The following ITPR1 variants were observed in gnomAD, a reference collection of about 807,000 sequenced individuals.
The protein encoded by ITPR1 is inositol 1,4,5-trisphosphate receptor type 1.
ITPR1 carries 96 observed loss-of-function variants against 318.4 expected under a neutral mutation model. The observed-to-expected ratio is 0.30, with a 90% CI of 0.26 to 0.36. The LOEUF is 0.36. Ranked by LOEUF, ITPR1 falls within the 10% of genes least tolerant of loss-of-function variation. The pLI is 1.00. For synonymous variants in ITPR1, 1,312 were observed against 1,289.9 expected, an observed-to-expected ratio of 1.02 and a Z score of -0.37; for missense variants, 2,440 against 3,460.2, an observed-to-expected ratio of 0.71 and a Z score of 7.40.
intron 12 of ITPR1, among the ~76,000 whole-genome samples, chr3:4,657,625 G>A (rs1470100804): frequency 6.6e-6 from 1 of 151,812 alleles, no homozygotes; most frequent in Non-Finnish European, 1.5e-5. Context: ...CTGCCACCAC[G>A]CCCAGCTAAT....
intron 53 of ITPR1, 30 bp downstream of exon 53, chr3:4,795,217 AT>A: frequency 6.2e-7 from 1 of 1,605,980 alleles, no homozygotes. Flanking sequence ...CAAAAATCCT[AT>A]TAGAAGCAGC....
chr3:4,502,740 CT>C (rs1311454033), intron 2 of ITPR1, among the ~76,000 whole-genome samples: 76 of 151,934 alleles, frequency 5.0e-4, no homozygotes, highest in Admixed American at 2.1e-3. Context: ...CGCCTGGCCC[CT>C]GTACCCCTCT....
intron 4 of ITPR1, among the ~76,000 whole-genome samples, chr3:4,593,736 G>C (rs983133034): frequency 2.6e-5 from 4 of 152,182 alleles, no homozygotes; most frequent in African/African-American, 9.7e-5. Context: ...ATGCTAAACA[G>C]ACTTGTATAA....
chr3:4,661,939 T>C (rs2093842721), intron 14 of ITPR1, 143 bp from the exon 15 acceptor site: 5 of 618,042 alleles, frequency 8.1e-6, no homozygotes, highest in East Asian at 2.9e-5. Context: ...TACGTCCTTG[T>C]AGATTTTTTT....
At chr3:4,794,388 G>C (rs1457011169) in intron 52 of ITPR1, among the ~76,000 whole-genome samples, 1 of 152,160 alleles carries the variant, frequency 6.6e-6, no homozygotes, top group African/African-American at 2.4e-5. Context: ...CACAGCCCTG[G>C]AGATGGGAAC....
chr3:4,741,390 C>T (rs954554497), intron 44 of ITPR1, among the ~76,000 whole-genome samples: 1 of 152,144 alleles, frequency 6.6e-6, no homozygotes, highest in Non-Finnish European at 1.5e-5. Context: ...ATTCCTATGC[C>T]AAAGTCTAGT....
At chr3:4,521,346 A>G (rs1450823341) in intron 4 of ITPR1, among the ~76,000 whole-genome samples, 1 of 152,178 alleles carries the variant, frequency 6.6e-6, no homozygotes, top group Non-Finnish European at 1.5e-5. Flanking sequence ...AATTCGGTTT[A>G]AAGTCTTACA....
At position 4,795,119 on chromosome 3, in the gene ITPR1, C is replaced by T. The variant is rs1379792070; in HGVS notation, c.6863C>T (p.Ser2288Leu). ...AACATGTCTTTCTGGAGCAGCATTTCGTTTAACCTGGCCGTCCTGATGAAC... is the reference window on the plus strand; with the variant it reads ...AACATGTCTTTCTGGAGCAGCATTTTGTTTAACCTGGCCGTCCTGATGAAC... The part of the protein sequence containing the change: ...ARNMSFWSSI[S>L]FNLAVLMNLL... The change falls in exon 53 of 62, where the codon TCG (serine) becomes TTG (leucine). Residue 2288 changes from serine (S) to leucine (L), a missense_variant. Transcript: ENST00000649015. 1.9e-6 allele frequency: 3 copies of T among 1,613,746 alleles called. No homozygotes were observed. The highest frequency in any genetic ancestry group is 1.1e-5 in the South Asian group (1 of 91,044).
chr3:4,639,570 G>A lies in ITPR1; in HGVS notation c.366+100G>A, dbSNP rs895807940. ...ACAGGGTTTGGACACCTTTACAGCA[G>A]GACTCCATGGAGGCAGCCAGTTTAT... On this transcript the variant is annotated intron_variant, in intron 6 of 61. Coordinates refer to ENST00000649015, the MANE Select transcript of ITPR1 (RefSeq NM_001378452.1). 8.4e-6 allele frequency: 7 copies of A among 833,226 alleles called. No individual in the cohort carries two copies. In the African/African-American group the frequency reaches 1.2e-4, roughly 14 times the overall value. 51.6% of individuals were successfully genotyped at this position (833,226 alleles called of 1,614,324 possible). A position where few individuals can be genotyped will look rare whatever the true frequency, so the allele number is the denominator to read the frequency against.
intron 30 of ITPR1, among the ~76,000 whole-genome samples, chr3:4,685,737 G>A (rs566929771): frequency 3.9e-5 from 6 of 152,180 alleles, no homozygotes; most frequent in South Asian, 2.1e-4. Context: ...TCACATTAGC[G>A]TTTGTCATTG....
Position 4,767,127 on chromosome 3 carries a change from C to A in ITPR1, c.5725+417C>A, listed in dbSNP as rs949585793. On this transcript the variant is annotated intron_variant, in intron 45 of 61. Coordinates refer to ENST00000649015, the MANE Select transcript of ITPR1 (RefSeq NM_001378452.1). ...TCCAGTATCTCACCAGAAGAGAAGT[C>A]GTACTGGGCAGTGGGTAGACCCACA... 2.6e-5 allele frequency among the ~76,000 whole-genome samples: 4 copies of A among 152,230 alleles called. No homozygotes were observed. The East Asian group carries it at 7.7e-4, about 29-fold the overall frequency.
At chr3:4,675,431 C>T (rs569815400) in intron 23 of ITPR1, among the ~76,000 whole-genome samples, 183 bp downstream of exon 23, 28 of 152,326 alleles carry the variant, frequency 1.8e-4, no homozygotes, top group African/African-American at 6.7e-4. Flanking sequence ...TGGAGTCCCA[C>T]GTACCCATGA....
At chr3:4,768,369 A>T (rs2045954147) in intron 45 of ITPR1, 142 bp from the exon 46 acceptor site, 2 of 950,822 alleles carry the variant, frequency 2.1e-6, no homozygotes, top group African/African-American at 3.3e-5. Context: ...CTGAGAGCAG[A>T]TTGTGACTTC....
At chr3:4,809,322 G>A (rs3792508) in intron 55 of ITPR1, among the ~76,000 whole-genome samples, 84,852 of 152,064 alleles carry the variant, frequency 0.56, 24,052 homozygotes, top group Non-Finnish European at 0.61. Context: ...AGCATTATTT[G>A]TTATGACATA....
chr3:4,802,191 G>A (rs1430722411), intron 54 of ITPR1, among the ~76,000 whole-genome samples: 1 of 152,222 alleles, frequency 6.6e-6, no homozygotes, highest in Non-Finnish European at 1.5e-5. Context: ...ATATGGATTA[G>A]GAACCTCCAA....
At chr3:4,633,099 C>T (rs370014571) in intron 5 of ITPR1, among the ~76,000 whole-genome samples, 47 of 151,898 alleles carry the variant, frequency 3.1e-4, no homozygotes, top group Admixed American at 1.2e-3. Context: ...TCACCACGCC[C>T]GGCTAATTGT....
intron 52 of ITPR1, 41 bp from the exon 53 acceptor site, chr3:4,795,024 G>C (rs746535882): frequency 6.5e-7 from 1 of 1,542,454 alleles, no homozygotes; most frequent in South Asian, 1.3e-5. Context: ...GTTCCGGCTT[G>C]GGGTCTCCAG....
Position 4,615,513 on chromosome 3 carries a change from A to G in ITPR1, c.164-12250A>G, listed in dbSNP as rs1033674232. Among the ~76,000 whole-genome samples, 3 of 151,068 alleles carry G rather than the reference A, an allele frequency of 2.0e-5. No individual in the cohort carries two copies. In the East Asian group the frequency reaches 5.9e-4, roughly 30 times the overall value. ...TGCCTCAGCCTCCCGAGTAACTGGG[A>G]TTATAGACATGTGCCACCACGCCTG... On this transcript the variant is annotated intron_variant, in intron 4 of 61. Coordinates refer to ENST00000649015, the MANE Select transcript of ITPR1 (RefSeq NM_001378452.1).
At position 4,693,714 on chromosome 3, in the gene ITPR1, G is replaced by T. The variant is rs142527379; in HGVS notation, c.4254G>T (p.Val1418=). 1,418 of 1,613,270 alleles carry T rather than the reference G, an allele frequency of 8.8e-4. 2 individuals are homozygous for T. Among genetic ancestry groups the T allele is most frequent in the Admixed American group, 2.7e-3 (159 of 59,814 alleles). Residue 1418 remains valine, a synonymous_variant, in exon 33 of 62, where the codon GTG becomes GTT. Transcript: ENST00000649015. ...SLLPLDDIVR[V]VTHEDCIPEV... ...TCCCGCTGGATGACATCGTTCGCGT[G>T]GTGACCCACGAGGACTGCATCCCTG...
Sources: allele counts gnomAD v4.1 joint callset (sites outside exome capture counted in the v4.1 genomes callset), GRCh38; gene constraint gnomAD v4.1.1; transcripts MANE v1.5; gene names NCBI Gene and HGNC (gene_info 2026-07-23, HGNC 2026-07-21).